The following GALNT13 variants were observed in gnomAD, a reference collection of about 807,000 sequenced individuals.
GALNT13 encodes the protein UDP-GalNAc:polypeptide N-acetylgalactosaminyltransferase 13.
GALNT13 carries 28 observed loss-of-function variants against 64.2 expected under a neutral mutation model. The ratio of observed to expected loss-of-function variants is 0.44; its 90% confidence interval spans 0.32 to 0.60. The LOEUF is 0.60. Ranked by LOEUF, GALNT13 falls within the 20% of genes least tolerant of loss-of-function variation. The probability of loss-of-function intolerance (pLI) is 0.05; values close to 1 mark genes in which losing one functional copy is unlikely to be tolerated. For synonymous variants in GALNT13, 214 were observed against 224.6 expected, an observed-to-expected ratio of 0.95 and a Z score of 0.42; for missense variants, 577 against 669.8, an observed-to-expected ratio of 0.86 and a Z score of 1.53.
intron 8 of GALNT13, among the ~76,000 whole-genome samples, chr2:154,279,715 A>C (rs1342989740): frequency 6.6e-6 from 1 of 152,158 alleles, no homozygotes; most frequent in African/African-American, 2.4e-5. Flanking sequence ...TAGCAAAGCA[A>C]TATGCCAAAT....
At chr2:154,362,334 C>T (rs799817) in intron 9 of GALNT13, among the ~76,000 whole-genome samples, 22,558 of 144,340 alleles carry the variant, frequency 0.16, 1,877 homozygotes, top group South Asian at 0.32. Flanking sequence ...TTCTGACATA[C>T]ATGACATAGA....
chr2:154,296,259 A>G (rs1246424237), intron 8 of GALNT13, among the ~76,000 whole-genome samples: 1 of 152,168 alleles, frequency 6.6e-6, no homozygotes, highest in Non-Finnish European at 1.5e-5. Flanking sequence ...AACCCCAACC[A>G]TAGCTTCAGA....
chr2:153,437,987 T>C, the GALNT13 span, among the ~76,000 whole-genome samples: 2 of 152,216 alleles, frequency 1.3e-5, no homozygotes, highest in East Asian at 1.9e-4. Context: ...CCATGTTTAG[T>C]GCTTCCTTCA....
chr2:153,121,672 G>T, the GALNT13 span, among the ~76,000 whole-genome samples: 1 of 152,058 alleles, frequency 6.6e-6, no homozygotes. Context: ...GGGACTACAG[G>T]CACCCACGAC....
At chr2:153,457,285 A>G in the GALNT13 span, among the ~76,000 whole-genome samples, 1 of 152,228 alleles carries the variant, frequency 6.6e-6, no homozygotes, top group East Asian at 1.9e-4. Flanking sequence ...AATCTGTCTC[A>G]AAATGTATAA....
the GALNT13 span, among the ~76,000 whole-genome samples, chr2:153,161,153 T>C: frequency 1.4e-4 from 21 of 152,252 alleles, no homozygotes; most frequent in African/African-American, 5.1e-4. Context: ...ACTTCTGCTA[T>C]GCAATACACC....
At chr2:153,247,171 C>A in the GALNT13 span, among the ~76,000 whole-genome samples, 9 of 152,152 alleles carry the variant, frequency 5.9e-5, no homozygotes, top group East Asian at 1.7e-3. Context: ...GACTTAGATT[C>A]TCACATAATA....
chr2:154,140,016 C>T (rs1300911323), intron 3 of GALNT13, among the ~76,000 whole-genome samples: 1 of 151,860 alleles, frequency 6.6e-6, no homozygotes, highest in Non-Finnish European at 1.5e-5. Flanking sequence ...ATTTTGTCTG[C>T]CTAGTGTTCA....
chr2:154,297,607 C>T (rs1186211698), intron 8 of GALNT13, among the ~76,000 whole-genome samples: 1 of 152,120 alleles, frequency 6.6e-6, no homozygotes, highest in Non-Finnish European at 1.5e-5. Flanking sequence ...ACTTCCCAGC[C>T]TATAGAACTG....
At chr2:153,144,026 T>G in the GALNT13 span, among the ~76,000 whole-genome samples, 1 of 151,990 alleles carries the variant, frequency 6.6e-6, no homozygotes. Flanking sequence ...CGCAGCCAAG[T>G]CCACTGTCCT....
At chr2:153,287,662 G>A in the GALNT13 span, among the ~76,000 whole-genome samples, 30 of 152,178 alleles carry the variant, frequency 2.0e-4, no homozygotes, top group East Asian at 5.1e-3. Flanking sequence ...TGCATTTGCT[G>A]GTGCCTGTCG....
intron 4 of GALNT13, among the ~76,000 whole-genome samples, chr2:154,215,192 T>A (rs1227650130): frequency 1.3e-5 from 2 of 152,172 alleles, no homozygotes; most frequent in African/African-American, 4.8e-5. Context: ...ACTTTGGAAG[T>A]TATATGCGCC....
At chr2:154,068,757 T>C (rs544025719) in intron 3 of GALNT13, among the ~76,000 whole-genome samples, 327 of 152,106 alleles carry the variant, frequency 2.1e-3, no homozygotes, top group Non-Finnish European at 3.9e-3. Context: ...GTGGAGATGA[T>C]TAATGAGTAC....
rs996737441 is a variant in GALNT13 at position 153,958,086 on chromosome 2, C to T, written c.142+13447C>T. ...TTTGACTTTAGATGCTGGTATGGGGCTGACTCCTGGTGGTACTGGTTGGGC... is the reference window on the plus strand; with the variant it reads ...TTTGACTTTAGATGCTGGTATGGGGTTGACTCCTGGTGGTACTGGTTGGGC... On this transcript the variant is annotated intron_variant, in intron 3 of 12. Coordinates refer to ENST00000392825, the MANE Select transcript of GALNT13 (RefSeq NM_052917.4). Among the ~76,000 whole-genome samples, 7 of 152,196 alleles carry T rather than the reference C, an allele frequency of 4.6e-5. No homozygotes were observed. In the East Asian group the frequency reaches 9.6e-4, roughly 21 times the overall value.
intron 3 of GALNT13, among the ~76,000 whole-genome samples, chr2:154,054,217 T>C (rs1213742570): frequency 2.0e-5 from 3 of 152,050 alleles, no homozygotes; most frequent in Non-Finnish European, 4.4e-5. Flanking sequence ...ATGATACAGG[T>C]TCACTTCTTT....
chr2:153,668,880 C>T, the GALNT13 span, among the ~76,000 whole-genome samples: 1 of 152,160 alleles, frequency 6.6e-6, no homozygotes, highest in Non-Finnish European at 1.5e-5. Context: ...GGAGCATGGC[C>T]AGGGATACCT....
At chr2:153,648,593 G>A in the GALNT13 span, among the ~76,000 whole-genome samples, 4 of 152,062 alleles carry the variant, frequency 2.6e-5, no homozygotes, top group Admixed American at 6.6e-5. Flanking sequence ...TATGATATTG[G>A]CTGTGGGTTT....
At chr2:154,396,185 T>A in intron 10 of GALNT13, 55 bp downstream of exon 10, 1 of 1,208,718 alleles carries the variant, frequency 8.3e-7, no homozygotes, top group Non-Finnish European at 1.1e-6. Context: ...ATGGAGCAAT[T>A]TCTAAGGAGC....
chr2:153,600,028 C>A, the GALNT13 span, among the ~76,000 whole-genome samples: 1 of 151,936 alleles, frequency 6.6e-6, no homozygotes, highest in Non-Finnish European at 1.5e-5. Context: ...CTACTGCCAT[C>A]CAAATCTCCC....
Sources: allele counts gnomAD v4.1 joint callset (sites outside exome capture counted in the v4.1 genomes callset), GRCh38; gene constraint gnomAD v4.1.1; transcripts MANE v1.5; gene names NCBI Gene and HGNC (gene_info 2026-07-23, HGNC 2026-07-21).